Variants in KCNIP4 observed in about 807,000 individuals in gnomAD.
The protein encoded by KCNIP4 is potassium voltage-gated channel interacting protein 4.
Under a neutral mutation model 34.0 loss-of-function variants are expected in KCNIP4, and 12 were observed. That is an observed-to-expected ratio of 0.35 (90% CI 0.23 to 0.57). The LOEUF is 0.57. KCNIP4 is among the 20% of genes least tolerant of loss of function. The probability of loss-of-function intolerance (pLI) is 0.83; values close to 1 mark genes in which losing one functional copy is unlikely to be tolerated. For synonymous variants in KCNIP4, 124 were observed against 102.2 expected, an observed-to-expected ratio of 1.21 and a Z score of -1.29; for missense variants, 238 against 311.7, an observed-to-expected ratio of 0.76 and a Z score of 1.78.
chr4:20,764,842 C>G (rs1452112781), intron 3 of KCNIP4, among the ~76,000 whole-genome samples: 3 of 152,202 alleles, frequency 2.0e-5, no homozygotes, highest in Non-Finnish European at 4.4e-5. Context: ...TTCACACAGA[C>G]AGGGTCGCTG....
chr4:21,844,957 T>TAA (rs1723921143), intron 1 of KCNIP4: 1 of 106,434 alleles, frequency 9.4e-6, no homozygotes, highest in African/African-American at 2.8e-5. Flanking sequence ...GAATAAAGAT[T>TAA]CAAAAAAAAA....
intron 1 of KCNIP4, among the ~76,000 whole-genome samples, chr4:21,877,851 C>T (rs552667061): frequency 6.6e-6 from 1 of 152,246 alleles, no homozygotes; most frequent in African/African-American, 2.4e-5. Context: ...ACCTAGAAGG[C>T]CTTTTCTCTC....
chr4:21,303,782 A>G (rs762229649), intron 1 of KCNIP4: 1 of 1,569,404 alleles, frequency 6.4e-7, no homozygotes, highest in Non-Finnish European at 8.8e-7. Context: ...GAATTTTTAG[A>G]AGTCACTAAA....
intron 1 of KCNIP4, among the ~76,000 whole-genome samples, chr4:21,779,622 G>C (rs1262424603): frequency 6.6e-6 from 1 of 152,026 alleles, no homozygotes; most frequent in Non-Finnish European, 1.5e-5. Flanking sequence ...TACAAAAATG[G>C]AACCAGCACG....
At chr4:21,501,899 A>G (rs973315416) in intron 1 of KCNIP4, among the ~76,000 whole-genome samples, 2 of 147,804 alleles carry the variant, frequency 1.4e-5, no homozygotes, top group South Asian at 2.2e-4. Context: ...CTCTCTCTCT[A>G]TCTCTCCATA....
chr4:21,099,142 C>A (rs1213644518), intron 1 of KCNIP4, among the ~76,000 whole-genome samples: 1 of 152,156 alleles, frequency 6.6e-6, no homozygotes, highest in Non-Finnish European at 1.5e-5. Context: ...AAATATAAAT[C>A]ATTCTATTAT....
At chr4:21,375,605 C>T (rs935307238) in intron 1 of KCNIP4, among the ~76,000 whole-genome samples, 2 of 149,202 alleles carry the variant, frequency 1.3e-5, no homozygotes, top group African/African-American at 2.5e-5. Flanking sequence ...CTCGCTCTGT[C>T]ACCCAGGCTG....
chr4:21,556,929 A>AAAAAAAAAAAAAAAAAC (rs1739091307), intron 1 of KCNIP4, among the ~76,000 whole-genome samples: 4 of 147,774 alleles, frequency 2.7e-5, no homozygotes, highest in South Asian at 2.1e-4. Context: ...TCAGAAAAAA[A>AAAAAAAAAAAAAAAAAC]AAAAAAAAAA....
At chr4:21,823,467 C>G (rs1722489765) in intron 1 of KCNIP4, among the ~76,000 whole-genome samples, 1 of 151,482 alleles carries the variant, frequency 6.6e-6, no homozygotes, top group South Asian at 2.1e-4. Context: ...CTGCATTCTC[C>G]TTGTCCAAAC....
chr4:21,511,931 C>T (rs1381718391), intron 1 of KCNIP4, among the ~76,000 whole-genome samples: 1 of 151,022 alleles, frequency 6.6e-6, no homozygotes, highest in African/African-American at 2.4e-5. Flanking sequence ...TAATGGCTGA[C>T]ACAGGCTGAT....
At chr4:20,966,854 C>T (rs1221299109) in intron 1 of KCNIP4, among the ~76,000 whole-genome samples, 2 of 152,094 alleles carry the variant, frequency 1.3e-5, no homozygotes, top group Non-Finnish European at 2.9e-5. Flanking sequence ...TTAATGAGTA[C>T]TAGGTATGTG....
At chr4:21,021,864 A>T (rs759153611) in intron 1 of KCNIP4, among the ~76,000 whole-genome samples, 3 of 85,114 alleles carry the variant, frequency 3.5e-5, no homozygotes, top group Non-Finnish European at 7.6e-5. Context: ...AGTATCGTAT[A>T]GTATAGTATA....
At chr4:21,918,171 C>T (rs1378134096) in intron 1 of KCNIP4, among the ~76,000 whole-genome samples, 1 of 151,708 alleles carries the variant, frequency 6.6e-6, no homozygotes, top group Non-Finnish European at 1.5e-5. Context: ...TATTTTTCTG[C>T]CTTCAGAAAT....
At chr4:21,396,051 A>G (rs918629555) in intron 1 of KCNIP4, among the ~76,000 whole-genome samples, 1 of 151,686 alleles carries the variant, frequency 6.6e-6, no homozygotes, top group African/African-American at 2.4e-5. Context: ...GACTATGTAG[A>G]GTCTCCTATA....
intron 1 of KCNIP4, among the ~76,000 whole-genome samples, chr4:21,829,956 A>C (rs535277079): frequency 6.6e-6 from 1 of 152,296 alleles, no homozygotes; most frequent in East Asian, 1.9e-4. Context: ...AAACAACCAG[A>C]AAATAATTGT....
chr4:21,562,761 C>T (rs888714059), intron 1 of KCNIP4, among the ~76,000 whole-genome samples: 7 of 151,882 alleles, frequency 4.6e-5, no homozygotes, highest in African/African-American at 1.2e-4. Flanking sequence ...TTTGTCCACA[C>T]GCAGGGATTT....
intron 1 of KCNIP4, among the ~76,000 whole-genome samples, chr4:21,198,536 GTAT>G (rs939794042): frequency 1.3e-5 from 2 of 152,168 alleles, no homozygotes; most frequent in Admixed American, 1.3e-4. Context: ...GACAGGCACT[GTAT>G]TGTGCCCCAG....
chr4:21,256,146 T>C (rs1207179941), intron 1 of KCNIP4, among the ~76,000 whole-genome samples: 1 of 152,180 alleles, frequency 6.6e-6, no homozygotes, highest in East Asian at 1.9e-4. Flanking sequence ...GAAATGACGT[T>C]AGTCCAAGTC....
chr4:21,260,384 T>A (rs1253300460), intron 1 of KCNIP4, among the ~76,000 whole-genome samples: 1 of 152,218 alleles, frequency 6.6e-6, no homozygotes, highest in Non-Finnish European at 1.5e-5. Context: ...TATTCGTGAT[T>A]GCTGTATTGC....
Sources: allele counts gnomAD v4.1 joint callset (sites outside exome capture counted in the v4.1 genomes callset), GRCh38; gene constraint gnomAD v4.1.1; transcripts MANE v1.5; gene names NCBI Gene and HGNC (gene_info 2026-07-23, HGNC 2026-07-21).